The following CTR9 variants were observed in gnomAD, a reference collection of about 807,000 sequenced individuals.
CTR9 encodes RNA polymerase-associated protein CTR9 homolog.
A neutral mutation model predicts 152.1 loss-of-function variants in CTR9; 41 were observed. That is an observed-to-expected ratio of 0.27 (90% CI 0.21 to 0.35). CTR9 has a LOEUF of 0.35. Among genes scored for constraint, CTR9 ranks in the 10% least tolerant of loss-of-function variants. The pLI, the probability that CTR9 is intolerant of heterozygous loss-of-function variation, is 1.00. For missense variants in CTR9, 917 were observed against 1,424.4 expected (o/e 0.64, Z 5.73); for synonymous variants, 476 against 496.2 (o/e 0.96, Z 0.54).
chr11:10,775,078 G>A, intron 22 of CTR9, 129 bp from the exon 23 acceptor site: 1 of 699,350 alleles, frequency 1.4e-6, no homozygotes. Flanking sequence ...CTTGAGGAGT[G>A]TACAGTATGA....
chr11:10,770,799 A>C (rs1863131986), intron 18 of CTR9, among the ~76,000 whole-genome samples, 167 bp downstream of exon 18: 1 of 152,224 alleles, frequency 6.6e-6, no homozygotes, highest in African/African-American at 2.4e-5. Flanking sequence ...TTCCAGCAAT[A>C]GTTAAGCCAA....
chr11:10,778,344 T>C (rs1863274786), intron 24 of CTR9, among the ~76,000 whole-genome samples: 1 of 152,260 alleles, frequency 6.6e-6, no homozygotes, highest in African/African-American at 2.4e-5. Flanking sequence ...GATAAACAAA[T>C]GTATCCCTTC....
At chr11:10,753,229 G>C (rs78880444) in intron 2 of CTR9, among the ~76,000 whole-genome samples, 22,067 of 152,068 alleles carry the variant, frequency 0.15, 1,735 homozygotes, top group African/African-American at 0.21. Context: ...GTTTATCTCA[G>C]ACTTATGTTT....
intron 24 of CTR9, among the ~76,000 whole-genome samples, chr11:10,777,460 C>T (rs1411016498): frequency 6.6e-6 from 1 of 152,100 alleles, no homozygotes; most frequent in East Asian, 1.9e-4. Flanking sequence ...GCTGACACAT[C>T]TGGATTGTTT....
At chr11:10,770,411 T>C in intron 17 of CTR9, 76 bp from the exon 18 acceptor site, 1 of 1,571,024 alleles carries the variant, frequency 6.4e-7, no homozygotes, top group Non-Finnish European at 8.7e-7. Flanking sequence ...ACATACCTAC[T>C]ACTTAATAAT....
At chr11:10,765,530 C>T (rs560066192) in intron 12 of CTR9, among the ~76,000 whole-genome samples, 9 of 152,226 alleles carry the variant, frequency 5.9e-5, no homozygotes, top group African/African-American at 1.9e-4. Context: ...GGCACAATCT[C>T]GGCTCACTGC....
chr11:10,776,844 G>A (rs1482524001), intron 24 of CTR9, among the ~76,000 whole-genome samples: 1 of 151,832 alleles, frequency 6.6e-6, no homozygotes, highest in African/African-American at 2.4e-5. Flanking sequence ...ATGGTGGCGT[G>A]TGCCTGTAAT....
intron 11 of CTR9, 45 bp downstream of exon 11, chr11:10,764,481 G>GAGTTA (rs2135369622): frequency 6.2e-7 from 1 of 1,608,310 alleles, no homozygotes; most frequent in Non-Finnish European, 8.5e-7. Flanking sequence ...GAATCAAGTT[G>GAGTTA]CATGCACACC....
chr11:10,776,666 A>G (rs1271295383), intron 24 of CTR9, among the ~76,000 whole-genome samples: 2 of 152,180 alleles, frequency 1.3e-5, no homozygotes, highest in Non-Finnish European at 2.9e-5. Context: ...GTGGAAAAGA[A>G]CAGATAAACC....
chr11:10,773,414 G>A, intron 21 of CTR9, 141 bp downstream of exon 21: 1 of 994,854 alleles, frequency 1.0e-6, no homozygotes, highest in Non-Finnish European at 1.5e-6. Flanking sequence ...CTAACACAGA[G>A]AATGATTTAA....
At chr11:10,761,322 C>T (rs1304441237) in intron 6 of CTR9, among the ~76,000 whole-genome samples, 7 of 152,064 alleles carry the variant, frequency 4.6e-5, no homozygotes, top group Non-Finnish European at 1.0e-4. Context: ...ACTTTCCTTC[C>T]TAAACTCAAA....
chr11:10,771,521 G>A lies in CTR9; in HGVS notation c.2373-24G>A. The A allele has an allele frequency of 2.7e-6, 4 of 1,463,294 alleles. No homozygotes were observed. The South Asian group carries it at 3.5e-5, about 13-fold the overall frequency. 90.6% of individuals were successfully genotyped at this position (1,463,294 alleles called of 1,614,324 possible). On this transcript the variant is annotated intron_variant, in intron 18 of 24. Transcript: ENST00000361367. ...CATTAGAATCTCTTTTTTTAAAAGT[G>A]AAGTATTTTCTCGTTTCATTTAGAT...
Position 10,763,898 on chromosome 11 carries a change from G to A in CTR9, c.1194+19G>A. 1.3e-6 allele frequency: 2 copies of A among 1,559,708 alleles called. No homozygotes were observed. The highest frequency in any genetic ancestry group is 8.7e-7 in the Non-Finnish European group (1 of 1,148,466). The stretch of plus-strand genomic sequence containing the variant: ...TGCCAAGGTACATCTTTTTTTTAAA[G>A]TCTTAGCTGTTTTCTGTTAGCTGTC... On this transcript the variant is annotated intron_variant, in intron 9 of 24. Transcript: ENST00000361367.
rs1862794774 is a variant in CTR9 at position 10,751,276 on chromosome 11, C to T, written c.-137C>T. ...TTAAGCGGCTGACGGGAAGGAGAAG[C>T]CAGAGCTCCAGCGGCGCCGCGGGGC... On this transcript the variant is annotated 5_prime_UTR_variant, in exon 1 of 25. Transcript: ENST00000361367. 2 of 882,280 alleles carry T rather than the reference C, an allele frequency of 2.3e-6. No homozygotes were observed. Among genetic ancestry groups the T allele is most frequent in the African/African-American group, 1.7e-5 (1 of 60,502 alleles). The allele number at this position is 882,280 out of a possible 1,614,324, so 54.7% of individuals were successfully genotyped here.
At position 10,756,845 on chromosome 11, in the gene CTR9, G is replaced by GA; in HGVS notation, c.592+12dup. On this transcript the variant is annotated splice_region_variant and intron_variant, in intron 5 of 24. Transcript: ENST00000361367. ...ACTAACCCAGGATGTCCAGGTAAGA[G>GA]AAAAATTTTATTTTATGTCTAAACT... 6.3e-7 allele frequency: 1 copy of GA among 1,593,816 alleles called. No homozygotes were observed. The highest frequency in any genetic ancestry group is 8.6e-7 in the Non-Finnish European group (1 of 1,162,936).
intron 5 of CTR9, among the ~76,000 whole-genome samples, chr11:10,759,601 C>G (rs905228728): frequency 1.3e-5 from 2 of 152,018 alleles, no homozygotes; most frequent in South Asian, 4.2e-4. Context: ...GATGGCAGAA[C>G]GTTTATGTGT....
intron 12 of CTR9, among the ~76,000 whole-genome samples, chr11:10,765,463 T>C (rs1863044857): frequency 6.6e-6 from 1 of 152,154 alleles, no homozygotes; most frequent in African/African-American, 2.4e-5. Context: ...TTTGTTTTTT[T>C]GTTTTGTTTT....
At chr11:10,769,266 T>C (rs1209032325) in intron 16 of CTR9, among the ~76,000 whole-genome samples, 3 of 152,192 alleles carry the variant, frequency 2.0e-5, no homozygotes, top group Non-Finnish European at 2.9e-5. Context: ...TAAGATTTAA[T>C]GACTGTAGAA....
rs1268208753 is a variant in CTR9, at chr11:10,775,270, A to G, written c.2949A>G (p.Lys983=). 1.9e-6 allele frequency: 3 copies of G among 1,614,018 alleles called. No homozygotes were observed. Among genetic ancestry groups the G allele is most frequent in the Non-Finnish European group, 2.5e-6 (3 of 1,180,018 alleles). Residue 983 remains lysine (K), a synonymous_variant, in exon 23 of 25, where the codon AAA becomes AAG. Coordinates refer to ENST00000361367, the MANE Select transcript of CTR9 (RefSeq NM_014633.5). ...CAGAAAATGGCCCCAAACCAAAAAA[A>G]CGACGTCCACCAAAAGCAGAGAAGA... ...DETENGPKPK[K]RRPPKAEKKK...
Sources: allele counts gnomAD v4.1 joint callset (sites outside exome capture counted in the v4.1 genomes callset), GRCh38; gene constraint gnomAD v4.1.1; transcripts MANE v1.5; gene names NCBI Gene and HGNC (gene_info 2026-07-23, HGNC 2026-07-21).